The following DACH1 variants were observed in gnomAD, a reference collection of about 807,000 sequenced individuals.
DACH1 encodes the protein dachshund homolog 1.
DACH1 carries 12 observed loss-of-function variants against 54.2 expected under a neutral mutation model. The observed-to-expected ratio is 0.22, with a 90% confidence interval of 0.14 to 0.36. DACH1 has a LOEUF of 0.36. Ranked by LOEUF, DACH1 falls within the 10% of genes least tolerant of loss-of-function variation. The pLI is 1.00. For synonymous variants in DACH1, 386 were observed against 366.2 expected (o/e 1.05, Z -0.62); for missense variants, 805 against 929.8 (o/e 0.87, Z 1.75).
chr13:71,555,870 A>G (rs371638488), intron 6 of DACH1, among the ~76,000 whole-genome samples: 1 of 152,132 alleles, frequency 6.6e-6, no homozygotes, highest in South Asian at 2.1e-4. Flanking sequence ...CACAATAAAT[A>G]ATGTAAAAAT....
intron 7 of DACH1, among the ~76,000 whole-genome samples, chr13:71,484,282 C>T (rs528455017): frequency 1.3e-3 from 199 of 152,246 alleles, no homozygotes; most frequent in African/African-American, 4.7e-3. Context: ...CTGCCTCATC[C>T]TCATGAATAT....
intron 6 of DACH1, among the ~76,000 whole-genome samples, chr13:71,498,782 C>A (rs1242810727): frequency 1.3e-5 from 2 of 151,994 alleles, no homozygotes; most frequent in African/African-American, 4.8e-5. Context: ...AAATCAGGAA[C>A]CCCAATTCCC....
At chr13:71,739,932 A>C (rs563400503) in intron 1 of DACH1, among the ~76,000 whole-genome samples, 1 of 152,226 alleles carries the variant, frequency 6.6e-6, no homozygotes, top group Non-Finnish European at 1.5e-5. Flanking sequence ...ACACACTGTA[A>C]AAGTTAAAAG....
intron 1 of DACH1, among the ~76,000 whole-genome samples, chr13:71,690,173 C>T (rs992216892): frequency 4.6e-5 from 7 of 152,114 alleles, no homozygotes; most frequent in African/African-American, 1.7e-4. Context: ...TTCCCACACT[C>T]ACAAAAATAC....
intron 3 of DACH1, among the ~76,000 whole-genome samples, chr13:71,593,338 T>C (rs973933386): frequency 6.6e-6 from 1 of 152,142 alleles, no homozygotes; most frequent in Non-Finnish European, 1.5e-5. Context: ...ATCTTTTATG[T>C]TCTAACATTT....
At chr13:71,443,247 T>C (rs914670360) in intron 10 of DACH1, among the ~76,000 whole-genome samples, 1 of 151,832 alleles carries the variant, frequency 6.6e-6, no homozygotes, top group Admixed American at 6.6e-5. Context: ...AAAATTAATC[T>C]AGTTCAACTT....
chr13:71,726,555 T>A (rs1883474920), intron 1 of DACH1, among the ~76,000 whole-genome samples: 1 of 151,928 alleles, frequency 6.6e-6, no homozygotes, highest in African/African-American at 2.4e-5. Context: ...CAATGAAAAA[T>A]CTATATTTAA....
chr13:71,734,154 C>A (rs1000463628), intron 1 of DACH1, among the ~76,000 whole-genome samples: 2 of 146,350 alleles, frequency 1.4e-5, no homozygotes, highest in Non-Finnish European at 3.0e-5. Flanking sequence ...ATGTATATCC[C>A]ATATACGTAT....
At chr13:71,686,705 T>A (rs531898198) in intron 1 of DACH1, among the ~76,000 whole-genome samples, 2 of 152,306 alleles carry the variant, frequency 1.3e-5, no homozygotes, top group African/African-American at 4.8e-5. Context: ...TTCTAAGAGT[T>A]GGGGCAGAGA....
intron 1 of DACH1, among the ~76,000 whole-genome samples, chr13:71,803,467 A>C (rs1887368218): frequency 6.6e-6 from 1 of 152,172 alleles, no homozygotes. Context: ...ATTCTTGTTT[A>C]TATGCGACCA....
At chr13:71,617,867 A>T (rs1336570198) in intron 3 of DACH1, among the ~76,000 whole-genome samples, 1 of 152,150 alleles carries the variant, frequency 6.6e-6, no homozygotes, top group Admixed American at 6.6e-5. Flanking sequence ...CAACTAGTCA[A>T]CAGAATCATT....
chr13:71,848,292 C>G (rs1430358871), intron 1 of DACH1, among the ~76,000 whole-genome samples: 2 of 152,052 alleles, frequency 1.3e-5, no homozygotes, highest in Non-Finnish European at 2.9e-5. Context: ...CCATGTTAAT[C>G]TGTCATTCAA....
chr13:71,605,499 TAATG>T (rs536351670), intron 3 of DACH1, among the ~76,000 whole-genome samples: 2 of 151,812 alleles, frequency 1.3e-5, no homozygotes, highest in African/African-American at 2.4e-5. Context: ...TTAAATAACA[TAATG>T]AATGAATATA....
chr13:71,531,456 T>C (rs1882410008), intron 6 of DACH1, among the ~76,000 whole-genome samples: 1 of 151,986 alleles, frequency 6.6e-6, no homozygotes, highest in East Asian at 1.9e-4. Context: ...CTCTAAGAGG[T>C]GTACAACTAT....
chr13:71,444,059 A>G (rs1048871576), intron 10 of DACH1, among the ~76,000 whole-genome samples: 2 of 152,268 alleles, frequency 1.3e-5, no homozygotes, highest in East Asian at 1.9e-4. Context: ...TGGTTTCAGC[A>G]TAGCAGGAGT....
chr13:71,603,314 C>T (rs1162630439), intron 3 of DACH1, among the ~76,000 whole-genome samples: 1 of 151,924 alleles, frequency 6.6e-6, no homozygotes, highest in Non-Finnish European at 1.5e-5. Flanking sequence ...AGACTAAAAA[C>T]AATCGCAACT....
chr13:71,848,756 C>T (rs1187309045), intron 1 of DACH1, among the ~76,000 whole-genome samples: 1 of 152,096 alleles, frequency 6.6e-6, no homozygotes, highest in Non-Finnish European at 1.5e-5. Context: ...AACCCCCATG[C>T]TCAAGTGATC....
At chr13:71,684,005 G>A (rs1445049379) in intron 1 of DACH1, among the ~76,000 whole-genome samples, 18 of 151,900 alleles carry the variant, frequency 1.2e-4, no homozygotes, top group Non-Finnish European at 2.4e-4. Flanking sequence ...GAATCCAACC[G>A]ACTAAGCCAA....
intron 6 of DACH1, among the ~76,000 whole-genome samples, chr13:71,530,603 C>A (rs1032129933): frequency 5.3e-5 from 8 of 152,094 alleles, no homozygotes; most frequent in African/African-American, 1.9e-4. Context: ...GCCTACTTGA[C>A]TTGCCTTCTC....
Sources: gnomAD v4.1 joint callset for allele counts (sites outside exome capture counted in the v4.1 genomes callset) on GRCh38, gnomAD v4.1.1 for gene constraint, MANE v1.5 for transcripts, NCBI Gene and HGNC (gene_info 2026-07-23, HGNC 2026-07-21) for gene names.